Variants in RBFOX1 observed in about 807,000 individuals in gnomAD.
RBFOX1 encodes RNA binding fox-1 homolog 1.
Under a neutral mutation model 57.7 loss-of-function variants are expected in RBFOX1, and 8 were observed. The observed-to-expected ratio is 0.14, with a 90% CI of 0.08 to 0.25. The LOEUF (loss-of-function observed/expected upper bound fraction) is 0.25. Among genes scored for constraint, RBFOX1 ranks in the 10% least tolerant of loss-of-function variants. The probability of loss-of-function intolerance (pLI) is 1.00; values close to 1 mark genes in which losing one functional copy is unlikely to be tolerated. For missense variants in RBFOX1, 611 were observed against 548.5 expected, an observed-to-expected ratio of 1.11 and a Z score of -1.14; for synonymous variants, 326 against 222.4, an observed-to-expected ratio of 1.47 and a Z score of -4.15.
chr16:5,657,634 T>TTC (rs1399996257), intron 3 of RBFOX1, among the ~76,000 whole-genome samples: 1 of 64,928 alleles, frequency 1.5e-5, no homozygotes, highest in African/African-American at 6.8e-5. Flanking sequence ...CTTTCTTTCT[T>TTC]TCTTTCTTTC....
At chr16:7,068,479 G>A (rs147410310) in intron 4 of RBFOX1, among the ~76,000 whole-genome samples, 2 of 152,280 alleles carry the variant, frequency 1.3e-5, no homozygotes, top group Non-Finnish European at 2.9e-5. Context: ...TTCTTTTGCA[G>A]TCCCTACTGG....
intron 3 of RBFOX1, among the ~76,000 whole-genome samples, chr16:5,862,477 G>C (rs2057244725): frequency 6.6e-6 from 1 of 152,126 alleles, no homozygotes; most frequent in African/African-American, 2.4e-5. Flanking sequence ...CAGGGATGGG[G>C]TGACCTGCAT....
At chr16:6,422,486 G>T (rs566883589) in intron 2 of RBFOX1, among the ~76,000 whole-genome samples, 1 of 152,042 alleles carries the variant, frequency 6.6e-6, no homozygotes, top group Non-Finnish European at 1.5e-5. Context: ...TTCTCACACT[G>T]CTATAAAGAA....
intron 3 of RBFOX1, among the ~76,000 whole-genome samples, chr16:6,882,128 C>G (rs920439754): frequency 1.3e-5 from 2 of 152,116 alleles, no homozygotes. Context: ...GCAGGAAAGT[C>G]AAGGCTGCTG....
At chr16:6,105,603 C>T (rs546145619) in intron 1 of RBFOX1, among the ~76,000 whole-genome samples, 97 of 151,868 alleles carry the variant, frequency 6.4e-4, no homozygotes, top group African/African-American at 2.2e-3. Context: ...TGGACACTAC[C>T]TTTTATTTTA....
At chr16:5,963,284 T>C (rs913114289) in intron 4 of RBFOX1, among the ~76,000 whole-genome samples, 2 of 152,184 alleles carry the variant, frequency 1.3e-5, no homozygotes, top group African/African-American at 2.4e-5. Flanking sequence ...AGGTGGGTCA[T>C]GGAGCTGGTC....
At chr16:5,822,907 C>G (rs2055906603) in intron 3 of RBFOX1, among the ~76,000 whole-genome samples, 1 of 152,210 alleles carries the variant, frequency 6.6e-6, no homozygotes, top group Admixed American at 6.5e-5. Flanking sequence ...TCTGTCTTGC[C>G]AGGCTGTGGG....
intron 14 of RBFOX1, among the ~76,000 whole-genome samples, chr16:7,696,122 A>AT (rs1568514146): frequency 6.6e-6 from 1 of 152,162 alleles, no homozygotes; most frequent in Non-Finnish European, 1.5e-5. Context: ...TGGAATAGGC[A>AT]TTTTTCATTA....
intron 5 of RBFOX1, among the ~76,000 whole-genome samples, chr16:7,535,547 A>G (rs570600019): frequency 6.6e-6 from 1 of 152,210 alleles, no homozygotes; most frequent in African/African-American, 2.4e-5. Flanking sequence ...TAAATTGTGA[A>G]GTCTTTTCCA....
At chr16:7,407,129 G>A (rs746581117) in intron 4 of RBFOX1, among the ~76,000 whole-genome samples, 18 of 152,122 alleles carry the variant, frequency 1.2e-4, no homozygotes, top group Non-Finnish European at 2.5e-4. Flanking sequence ...GTCACCTTTA[G>A]TGGTGATTTG....
At position 6,465,731 on chromosome 16, in the gene RBFOX1, T is replaced by G. The variant is rs555968927; in HGVS notation, c.-64+148674T>G. ...CATTTTTGTGCTAAAAGGGAAGAATTGAGGAGTTGCAACAGAGACCATGTG... is the reference window on the plus strand; with the variant it reads ...CATTTTTGTGCTAAAAGGGAAGAATGGAGGAGTTGCAACAGAGACCATGTG... On this transcript the variant is annotated intron_variant, in intron 2 of 15. Coordinates refer to ENST00000550418, the MANE Select transcript of RBFOX1 (RefSeq NM_018723.4). Among the ~76,000 whole-genome samples, 6 of 151,790 alleles carry G rather than the reference T, an allele frequency of 4.0e-5. No homozygotes were observed. The South Asian group carries it at 1.2e-3, about 32-fold the overall frequency.
intron 7 of RBFOX1, among the ~76,000 whole-genome samples, chr16:7,594,807 G>C (rs995024237): frequency 6.6e-6 from 1 of 152,162 alleles, no homozygotes; most frequent in African/African-American, 2.4e-5. Context: ...AGGATGGAAG[G>C]TTGTCAAATT....
At chr16:6,608,848 A>G (rs933893726) in intron 2 of RBFOX1, among the ~76,000 whole-genome samples, 2 of 152,220 alleles carry the variant, frequency 1.3e-5, no homozygotes, top group African/African-American at 2.4e-5. Flanking sequence ...CACTGGACTA[A>G]AATCATGGTG....
intron 4 of RBFOX1, among the ~76,000 whole-genome samples, chr16:7,161,348 A>C (rs1462327430): frequency 1.3e-5 from 2 of 152,086 alleles, no homozygotes; most frequent in Admixed American, 1.3e-4. Flanking sequence ...TGCTTTTAGC[A>C]TTGCTTTAAA....
At chr16:5,703,092 A>C (rs1385449820) in intron 3 of RBFOX1, among the ~76,000 whole-genome samples, 1 of 152,188 alleles carries the variant, frequency 6.6e-6, no homozygotes, top group Non-Finnish European at 1.5e-5. Flanking sequence ...ATGATGAAAA[A>C]GATGCCAGGT....
intron 2 of RBFOX1, among the ~76,000 whole-genome samples, chr16:5,531,925 G>T (rs2044494509): frequency 6.6e-6 from 1 of 151,462 alleles, no homozygotes; most frequent in African/African-American, 2.4e-5. Flanking sequence ...TCAGCCTCCT[G>T]AATAGCTGGG....
intron 1 of RBFOX1, among the ~76,000 whole-genome samples, chr16:5,375,085 CAAAAAA>C (rs576765968): frequency 2.7e-4 from 10 of 37,080 alleles, no homozygotes; most frequent in African/African-American, 1.4e-3. Context: ...TTTAAATGGC[CAAAAAA>C]AAAAAAAAAA....
chr16:6,855,064 A>C (rs1056714010), intron 3 of RBFOX1, among the ~76,000 whole-genome samples: 1 of 151,956 alleles, frequency 6.6e-6, no homozygotes, highest in African/African-American at 2.4e-5. Flanking sequence ...AGGTCCTGAG[A>C]GGAGAGAGTG....
chr16:6,177,810 G>A (rs2097024817), intron 1 of RBFOX1, among the ~76,000 whole-genome samples: 1 of 151,652 alleles, frequency 6.6e-6, no homozygotes, highest in African/African-American at 2.4e-5. Flanking sequence ...ACTGCTCACA[G>A]GCAAAATTGA....
Sources: allele counts gnomAD v4.1 joint callset (sites outside exome capture counted in the v4.1 genomes callset), GRCh38; gene constraint gnomAD v4.1.1; transcripts MANE v1.5; gene names NCBI Gene and HGNC (gene_info 2026-07-23, HGNC 2026-07-21).